Variants in RANBP17 observed in about 807,000 individuals in gnomAD.
RANBP17 encodes the protein ran-binding protein 17.
A neutral mutation model predicts 141.2 loss-of-function variants in RANBP17; 158 were observed. The observed-to-expected ratio is 1.12, with a 90% CI of 0.98 to 1.28. The LOEUF is 1.28. RANBP17 is among the 50% of genes most tolerant of loss of function. The pLI is 0.00. For synonymous variants in RANBP17, 430 were observed against 450.0 expected (o/e 0.96, Z 0.56); for missense variants, 1,438 against 1,290.7 (o/e 1.11, Z -1.75).
chr5:171,007,954 A>G (rs910578780), intron 14 of RANBP17, among the ~76,000 whole-genome samples: 3 of 152,184 alleles, frequency 2.0e-5, no homozygotes, highest in African/African-American at 7.2e-5. Flanking sequence ...CTGGGCTGCA[A>G]TGTGGGTGAG....
chr5:171,256,411 G>A (rs1473494796), intron 24 of RANBP17, among the ~76,000 whole-genome samples: 1 of 152,098 alleles, frequency 6.6e-6, no homozygotes, highest in African/African-American at 2.4e-5. Flanking sequence ...TGGTTTATTT[G>A]TGGAAAAAAA....
intron 16 of RANBP17, among the ~76,000 whole-genome samples, chr5:171,173,064 A>C (rs1226103248): frequency 6.6e-6 from 1 of 152,114 alleles, no homozygotes; most frequent in East Asian, 1.9e-4. Context: ...CATATTTAGA[A>C]ATATATATTA....
intron 22 of RANBP17, among the ~76,000 whole-genome samples, chr5:171,231,724 T>C (rs967611925): frequency 6.6e-6 from 1 of 152,210 alleles, no homozygotes; most frequent in African/African-American, 2.4e-5. Flanking sequence ...TTTTTCTTTT[T>C]CGGTTACTTG....
chr5:171,033,734 G>A (rs1026839361), intron 14 of RANBP17, among the ~76,000 whole-genome samples: 14 of 152,034 alleles, frequency 9.2e-5, no homozygotes, highest in African/African-American at 3.4e-4. Context: ...TTCACTCTCT[G>A]TTGAGTCTTG....
intron 14 of RANBP17, among the ~76,000 whole-genome samples, chr5:171,125,296 C>CA (rs3083436): frequency 0.029 from 2,519 of 85,922 alleles, 83 homozygotes; most frequent in African/African-American, 0.05. Flanking sequence ...GACTATGTAT[C>CA]AAAAAAAAAA....
intron 19 of RANBP17, among the ~76,000 whole-genome samples, chr5:171,204,579 C>T (rs1158446873): frequency 1.3e-5 from 2 of 152,104 alleles, no homozygotes; most frequent in African/African-American, 2.4e-5. Context: ...TCTCAATTAT[C>T]GCACCCCCTT....
At chr5:170,923,926 C>T (rs968621156) in intron 11 of RANBP17, among the ~76,000 whole-genome samples, 7 of 151,828 alleles carry the variant, frequency 4.6e-5, no homozygotes, top group African/African-American at 1.7e-4. Context: ...CATAATCATG[C>T]CATCTTCAGA....
chr5:170,978,530 A>C (rs1205588077), intron 14 of RANBP17, among the ~76,000 whole-genome samples: 1 of 152,160 alleles, frequency 6.6e-6, no homozygotes, highest in Non-Finnish European at 1.5e-5. Context: ...AAAAAGAAAA[A>C]CTACATGCAA....
chr5:171,103,914 C>T lies in RANBP17; in HGVS notation c.1711-66216C>T, dbSNP rs563130909. Among the ~76,000 whole-genome samples the T allele has an allele frequency of 3.3e-5, 5 of 152,318 alleles. No individual in the cohort carries two copies. The East Asian group carries it at 5.8e-4, about 18-fold the overall frequency. ...GTGCCCCACCCACCCTTCTTCGGCT[C>T]GCCCTCTGTGGACTGTACCCACTGT... On this transcript the variant is annotated intron_variant, in intron 14 of 27. Transcript: ENST00000523189.
intron 11 of RANBP17, among the ~76,000 whole-genome samples, chr5:170,920,468 T>C (rs989958410): frequency 6.6e-6 from 1 of 151,924 alleles, no homozygotes; most frequent in Admixed American, 6.6e-5. Flanking sequence ...GCTAGTGTGC[T>C]AGTCAAATCC....
chr5:171,129,721 C>A (rs1403023892), intron 14 of RANBP17, among the ~76,000 whole-genome samples: 4 of 152,184 alleles, frequency 2.6e-5, no homozygotes, highest in Non-Finnish European at 5.9e-5. Flanking sequence ...CTCTTCATGA[C>A]AATCTAAGAA....
At chr5:170,928,770 C>CT (rs34100963) in intron 12 of RANBP17, among the ~76,000 whole-genome samples, 158 of 146,652 alleles carry the variant, frequency 1.1e-3, no homozygotes, top group Non-Finnish European at 1.4e-3. Flanking sequence ...ATTATTTAAC[C>CT]TTTTTTTTTT....
intron 5 of RANBP17, among the ~76,000 whole-genome samples, chr5:170,902,148 T>C (rs1361861862): frequency 6.6e-6 from 1 of 152,218 alleles, no homozygotes; most frequent in Non-Finnish European, 1.5e-5. Context: ...CCCATCACTT[T>C]CAGGTACACC....
chr5:171,254,056 G>T (rs1683521765), intron 24 of RANBP17, among the ~76,000 whole-genome samples: 1 of 152,052 alleles, frequency 6.6e-6, no homozygotes, highest in African/African-American at 2.4e-5. Context: ...GACCATCCTG[G>T]CTAACACGGT....
chr5:170,978,521 AAAAG>A (rs1173221508), intron 14 of RANBP17, among the ~76,000 whole-genome samples: 1 of 152,204 alleles, frequency 6.6e-6, no homozygotes, highest in Non-Finnish European at 1.5e-5. Flanking sequence ...ACGATTTAAA[AAAAG>A]AAAAACTACA....
At chr5:171,102,596 C>A (rs764292856) in intron 14 of RANBP17, among the ~76,000 whole-genome samples, 1 of 152,028 alleles carries the variant, frequency 6.6e-6, no homozygotes, top group Non-Finnish European at 1.5e-5. Flanking sequence ...CTCCTTCTAT[C>A]AATTCGTCAA....
chr5:170,995,546 A>G (rs758517734), intron 14 of RANBP17, among the ~76,000 whole-genome samples: 3 of 152,164 alleles, frequency 2.0e-5, no homozygotes, highest in Non-Finnish European at 4.4e-5. Context: ...ATACAGACAA[A>G]GCTTTGTATA....
At chr5:171,148,867 C>G (rs995197758) in intron 14 of RANBP17, among the ~76,000 whole-genome samples, 3 of 152,138 alleles carry the variant, frequency 2.0e-5, no homozygotes, top group African/African-American at 7.2e-5. Flanking sequence ...GCTTCATAGA[C>G]TTACCATGTT....
At chr5:171,089,788 G>GGA (rs1786078968) in intron 14 of RANBP17, among the ~76,000 whole-genome samples, 2 of 151,998 alleles carry the variant, frequency 1.3e-5, no homozygotes, top group South Asian at 2.1e-4. Flanking sequence ...GCACTTCCCA[G>GGA]GTGAGGCAAT....
Sources: gnomAD v4.1 joint callset for allele counts (sites outside exome capture counted in the v4.1 genomes callset) on GRCh38, gnomAD v4.1.1 for gene constraint, MANE v1.5 for transcripts, NCBI Gene and HGNC (gene_info 2026-07-23, HGNC 2026-07-21) for gene names.